Variants in DPH6 observed in about 807,000 individuals in gnomAD.
DPH6 encodes diphthamine biosynthesis 6, also known as diphthine--ammonia ligase.
Under a neutral mutation model 38.2 loss-of-function variants are expected in DPH6, and 33 were observed. The ratio of observed to expected loss-of-function variants is 0.86; its 90% confidence interval spans 0.65 to 1.15. The LOEUF is 1.15. Ranked by LOEUF, DPH6 falls within the 50% of genes most tolerant of loss-of-function variation. The pLI is 0.00. For missense variants in DPH6, 325 were observed against 320.0 expected, an observed-to-expected ratio of 1.02 and a Z score of -0.12; for synonymous variants, 108 against 103.0, an observed-to-expected ratio of 1.05 and a Z score of -0.30.
At chr15:35,474,437 A>G (rs2054240200) in intron 3 of DPH6, among the ~76,000 whole-genome samples, 1 of 152,158 alleles carries the variant, frequency 6.6e-6, no homozygotes, top group African/African-American at 2.4e-5. Flanking sequence ...GATAAACTTA[A>G]ATAAAAAACA....
intron 3 of DPH6, among the ~76,000 whole-genome samples, chr15:35,225,732 C>T (rs1164407488): frequency 1.3e-5 from 2 of 152,162 alleles, no homozygotes; most frequent in Non-Finnish European, 2.9e-5. Context: ...TGCTTGCTGT[C>T]ACTGGTGTGT....
chr15:35,146,069 CTGTGTGTGTGTGTGTGTGTGTGTGTG>C, the DPH6 span, among the ~76,000 whole-genome samples: 1 of 147,196 alleles, frequency 6.8e-6, no homozygotes, highest in South Asian at 2.2e-4. Context: ...CTTATAGTTT[CTGTGTGTGTGTGTGTGTGTGTGTGTG>C]TGTGTGTGTG....
At chr15:35,307,559 A>G (rs1043798973) in intron 3 of DPH6, among the ~76,000 whole-genome samples, 3 of 152,158 alleles carry the variant, frequency 2.0e-5, no homozygotes, top group Non-Finnish European at 4.4e-5. Context: ...ACAAAATTGA[A>G]ATACAGATGA....
intron 5 of DPH6, among the ~76,000 whole-genome samples, chr15:35,416,792 C>T (rs983512591): frequency 1.3e-5 from 2 of 152,020 alleles, no homozygotes; most frequent in Non-Finnish European, 2.9e-5. Flanking sequence ...CCATGTACTG[C>T]AGACTGTTCA....
At chr15:35,432,618 T>C (rs1203443373) in intron 5 of DPH6, among the ~76,000 whole-genome samples, 1 of 152,068 alleles carries the variant, frequency 6.6e-6, no homozygotes, top group Non-Finnish European at 1.5e-5. Flanking sequence ...TTCAGGCAAA[T>C]TACTTACAAA....
At chr15:35,446,278 T>G (rs1393975829) in intron 5 of DPH6, among the ~76,000 whole-genome samples, 1 of 144,500 alleles carries the variant, frequency 6.9e-6, no homozygotes, top group Admixed American at 7.3e-5. Context: ...TCACCCAGGT[T>G]GGAGTGCAGA....
At chr15:35,273,604 T>A (rs2051837749) in intron 3 of DPH6, among the ~76,000 whole-genome samples, 1 of 152,160 alleles carries the variant, frequency 6.6e-6, no homozygotes, top group African/African-American at 2.4e-5. Flanking sequence ...AGCATTCCTA[T>A]ACACCAACAA....
At chr15:35,290,212 G>A (rs1483867490) in intron 3 of DPH6, among the ~76,000 whole-genome samples, 2 of 152,164 alleles carry the variant, frequency 1.3e-5, no homozygotes, top group African/African-American at 2.4e-5. Flanking sequence ...AGCTTAGTAG[G>A]TACACAGCAC....
downstream of DPH6, among the ~76,000 whole-genome samples, chr15:35,367,204 T>C (rs1024007156): frequency 6.6e-6 from 1 of 151,838 alleles, no homozygotes; most frequent in Non-Finnish European, 1.5e-5. Flanking sequence ...CATTAGTACT[T>C]AGGAAATTAT....
chr15:35,284,800 A>ATTTT, intron 3 of DPH6, among the ~76,000 whole-genome samples: 1 of 112,808 alleles, frequency 8.9e-6, no homozygotes, highest in Non-Finnish European at 1.8e-5. Flanking sequence ...GAAGTCTCCA[A>ATTTT]ATTTTTTTTT....
chr15:35,510,578 C>T (rs977447884), intron 3 of DPH6, among the ~76,000 whole-genome samples: 3 of 152,246 alleles, frequency 2.0e-5, no homozygotes, highest in South Asian at 2.1e-4. Flanking sequence ...AAAAGCATTT[C>T]GATGCAGTAA....
the DPH6 span, among the ~76,000 whole-genome samples, chr15:35,146,944 C>T: frequency 6.6e-6 from 1 of 152,096 alleles, no homozygotes. Flanking sequence ...CTAGAAAAAT[C>T]AAAGTGGGGA....
intron 6 of DPH6, among the ~76,000 whole-genome samples, chr15:35,388,674 G>A (rs1427999992): frequency 6.6e-6 from 1 of 152,130 alleles, no homozygotes; most frequent in African/African-American, 2.4e-5. Context: ...ATTTCTGTGG[G>A]ATTGGTGGTG....
intron 3 of DPH6, among the ~76,000 whole-genome samples, chr15:35,497,915 TAACA>T (rs1463745536): frequency 1.3e-5 from 2 of 152,194 alleles, no homozygotes; most frequent in Admixed American, 6.5e-5. Flanking sequence ...GAATTGATGA[TAACA>T]AACCGAAAGA....
chr15:35,511,936 A>G (rs2054779473), intron 3 of DPH6, among the ~76,000 whole-genome samples: 1 of 152,168 alleles, frequency 6.6e-6, no homozygotes, highest in Admixed American at 6.5e-5. Context: ...TAATCCAGTA[A>G]CTAGGTTTAA....
At chr15:35,352,493 T>A (rs1231463158) in intron 3 of DPH6, among the ~76,000 whole-genome samples, 3 of 152,066 alleles carry the variant, frequency 2.0e-5, no homozygotes, top group East Asian at 1.9e-4. Flanking sequence ...ATGTGTTCTC[T>A]TTGTTCAATT....
chr15:35,160,086 G>A, the DPH6 span, among the ~76,000 whole-genome samples: 21 of 152,004 alleles, frequency 1.4e-4, no homozygotes, highest in Non-Finnish European at 2.9e-5. Flanking sequence ...GCTACCTATC[G>A]GGTACTATGC....
intron 3 of DPH6, among the ~76,000 whole-genome samples, chr15:35,462,624 G>A (rs189857374): frequency 3.3e-5 from 5 of 152,288 alleles, no homozygotes; most frequent in Non-Finnish European, 7.3e-5. Flanking sequence ...ATATCTCAGA[G>A]AGGACTTCTC....
rs1444092970 is a variant in DPH6, at chr15:35,275,069, CA to C, written n.201-54488del. Among the ~76,000 whole-genome samples, 3 of 152,080 alleles carry C rather than the reference CA, an allele frequency of 2.0e-5. No individual in the cohort carries two copies. In the East Asian group the frequency reaches 5.8e-4, roughly 29 times the overall value. On this transcript the variant is annotated intron_variant and non_coding_transcript_variant, in intron 3 of 3. Coordinates refer to the DPH6 transcript ENST00000560386. ...AGCTGGGACTACAGGTGCCCGCCAC[CA>C]CGCCTGGCTAATTTTTTTGTATTTT...
Sources: allele counts gnomAD v4.1 joint callset (sites outside exome capture counted in the v4.1 genomes callset), GRCh38; gene constraint gnomAD v4.1.1; transcripts MANE v1.5; gene names NCBI Gene and HGNC (gene_info 2026-07-23, HGNC 2026-07-21).